The following RCOR1 variants were observed in gnomAD, a reference collection of about 807,000 sequenced individuals.
The protein encoded by RCOR1 is REST corepressor.
In RCOR1, 12 loss-of-function variants were observed where a neutral mutation model predicts 64.0. That is an observed-to-expected ratio of 0.19 (90% CI 0.12 to 0.30). The LOEUF is 0.30. RCOR1 is among the 10% of genes least tolerant of loss of function. The probability of loss-of-function intolerance (pLI) is 1.00; values close to 1 mark genes in which losing one functional copy is unlikely to be tolerated. For synonymous variants in RCOR1, 279 were observed against 227.2 expected (o/e 1.23, Z -2.05); for missense variants, 502 against 621.2 (o/e 0.81, Z 2.04).
At chr14:102,680,753 C>G (rs1895285813) in intron 2 of RCOR1, among the ~76,000 whole-genome samples, 1 of 152,118 alleles carries the variant, frequency 6.6e-6, no homozygotes, top group Non-Finnish European at 1.5e-5. Flanking sequence ...TGCAGGGAGC[C>G]AAGATCACAC....
At chr14:102,659,205 A>C in intron 2 of RCOR1, 1 of 984,828 alleles carries the variant, frequency 1.0e-6, no homozygotes, top group African/African-American at 1.7e-5. Context: ...TACTTAGATA[A>C]ATTACTGCAA....
At chr14:102,617,016 G>T (rs1192182013) in intron 2 of RCOR1, among the ~76,000 whole-genome samples, 1 of 152,170 alleles carries the variant, frequency 6.6e-6, no homozygotes, top group African/African-American at 2.4e-5. Flanking sequence ...TTTAGGAGTT[G>T]AAGGGCCAGG....
At chr14:102,632,375 G>A (rs1471277626) in intron 2 of RCOR1, among the ~76,000 whole-genome samples, 1 of 150,886 alleles carries the variant, frequency 6.6e-6, no homozygotes. Flanking sequence ...CCACCACCAC[G>A]CCCGGCTCAT....
At chr14:102,640,125 G>A (rs62006454) in intron 2 of RCOR1, among the ~76,000 whole-genome samples, 602 of 152,246 alleles carry the variant, frequency 4.0e-3, no homozygotes, top group Non-Finnish European at 5.4e-3. Flanking sequence ...GATGACAGGC[G>A]TGAGCCGCCA....
chr14:102,635,214 A>G (rs1894211448), intron 2 of RCOR1, among the ~76,000 whole-genome samples: 1 of 152,186 alleles, frequency 6.6e-6, no homozygotes, highest in African/African-American at 2.4e-5. Context: ...ACAAAAAAAT[A>G]CTGAAGCTGC....
chr14:102,712,715 T>C (rs1895985995), intron 7 of RCOR1, among the ~76,000 whole-genome samples: 1 of 151,928 alleles, frequency 6.6e-6, no homozygotes, highest in African/African-American at 2.4e-5. Context: ...TGGTCGTTTT[T>C]TTCTGCATAA....
chr14:102,629,043 G>A (rs1318932130), intron 2 of RCOR1, among the ~76,000 whole-genome samples: 1 of 152,088 alleles, frequency 6.6e-6, no homozygotes, highest in Non-Finnish European at 1.5e-5. Context: ...ACAGGCGTGC[G>A]CCACCACATG....
At chr14:102,629,011 C>A (rs1894043220) in intron 2 of RCOR1, among the ~76,000 whole-genome samples, 3 of 152,030 alleles carry the variant, frequency 2.0e-5, no homozygotes, top group African/African-American at 7.2e-5. Flanking sequence ...CCACCTCAGC[C>A]CCTCCCCAAG....
chr14:102,617,587 C>CTTTTT (rs71119722), intron 2 of RCOR1, among the ~76,000 whole-genome samples: 2 of 118,262 alleles, frequency 1.7e-5, no homozygotes, highest in African/African-American at 6.0e-5. Context: ...CTGTCTCTTT[C>CTTTTT]TTTTTTTTTT....
intron 3 of RCOR1, among the ~76,000 whole-genome samples, chr14:102,690,764 C>T (rs1364304450): frequency 6.6e-6 from 1 of 152,184 alleles, no homozygotes; most frequent in Non-Finnish European, 1.5e-5. Flanking sequence ...CTTATCATCA[C>T]CGGACATCGT....
At chr14:102,712,989 C>G (rs1895992805) in intron 7 of RCOR1, among the ~76,000 whole-genome samples, 1 of 108,606 alleles carries the variant, frequency 9.2e-6, no homozygotes, top group African/African-American at 3.6e-5. Context: ...GAGTCTTGCT[C>G]TGTTGCCCAG....
At chr14:102,633,036 T>G (rs1252120133) in intron 2 of RCOR1, among the ~76,000 whole-genome samples, 1 of 151,688 alleles carries the variant, frequency 6.6e-6, no homozygotes, top group Non-Finnish European at 1.5e-5. Context: ...CTTAGACTCC[T>G]GGACACAAGC....
At chr14:102,676,704 G>T (rs1895170212) in intron 2 of RCOR1, among the ~76,000 whole-genome samples, 1 of 115,616 alleles carries the variant, frequency 8.6e-6, no homozygotes, top group Admixed American at 7.8e-5. Context: ...CTCCCTCCCG[G>T]ACTGGGCGGC....
chr14:102,632,750 C>T (rs1411773885), intron 2 of RCOR1, among the ~76,000 whole-genome samples: 1 of 82,216 alleles, frequency 1.2e-5, no homozygotes, highest in East Asian at 3.4e-4. Context: ...CTCCCCTCCC[C>T]TCCCCTCCCC....
At chr14:102,594,126 C>G (rs114558581) in intron 2 of RCOR1, among the ~76,000 whole-genome samples, 1 of 152,288 alleles carries the variant, frequency 6.6e-6, no homozygotes, top group African/African-American at 2.4e-5. Flanking sequence ...GAAAAAAAAT[C>G]CGATCAGACA....
chr14:102,647,995 A>T (rs1053422334), intron 2 of RCOR1, among the ~76,000 whole-genome samples: 2 of 152,084 alleles, frequency 1.3e-5, no homozygotes, highest in Admixed American at 6.6e-5. Context: ...TTTTAATTTG[A>T]TGGTCATATT....
chr14:102,641,125 C>T (rs895870801), intron 2 of RCOR1, among the ~76,000 whole-genome samples: 4 of 151,806 alleles, frequency 2.6e-5, no homozygotes, highest in African/African-American at 9.7e-5. Flanking sequence ...CTTGGTGGCG[C>T]GTGCCTGTGG....
At chr14:102,652,172 C>T (rs1056457689) in intron 2 of RCOR1, among the ~76,000 whole-genome samples, 1 of 152,148 alleles carries the variant, frequency 6.6e-6, no homozygotes, top group Non-Finnish European at 1.5e-5. Flanking sequence ...ACGTTTGCTA[C>T]TTGTTTTAAC....
intron 8 of RCOR1, among the ~76,000 whole-genome samples, chr14:102,715,124 A>G (rs529468973): frequency 3.3e-5 from 5 of 150,808 alleles, no homozygotes; most frequent in Admixed American, 2.6e-4. Context: ...GCTGGAGTGC[A>G]GTGGCGCGAT....
Sources: allele counts gnomAD v4.1 joint callset (sites outside exome capture counted in the v4.1 genomes callset), GRCh38; gene constraint gnomAD v4.1.1; transcripts MANE v1.5; gene names NCBI Gene and HGNC (gene_info 2026-07-23, HGNC 2026-07-21).